The following SLC30A9 variants were observed in gnomAD, a reference collection of about 807,000 sequenced individuals.
SLC30A9 encodes solute carrier family 30 member 9.
Under a neutral mutation model 87.5 loss-of-function variants are expected in SLC30A9, and 58 were observed. The observed-to-expected ratio is 0.66, with a 90% CI of 0.54 to 0.82. The LOEUF is 0.82. Among genes scored for constraint, SLC30A9 ranks in the 40% least tolerant of loss-of-function variants. The pLI is 0.00. For synonymous variants in SLC30A9, 234 were observed against 233.0 expected, an observed-to-expected ratio of 1.00 and a Z score of -0.04; for missense variants, 557 against 679.1, an observed-to-expected ratio of 0.82 and a Z score of 2.00.
intron 2 of SLC30A9, among the ~76,000 whole-genome samples, chr4:42,014,845 A>G (rs1007987911): frequency 5.3e-5 from 8 of 152,188 alleles, no homozygotes; most frequent in Non-Finnish European, 1.2e-4. Flanking sequence ...TATGGAGCTA[A>G]AATTAAAACA....
rs777414458 is a variant in SLC30A9, at chr4:42,066,555, C to G, written c.1078C>G (p.Leu360Val). The G allele has an allele frequency of 6.3e-7, 1 of 1,599,906 alleles. No homozygotes were observed. Among genetic ancestry groups the G allele is most frequent in the Admixed American group, 1.7e-5 (1 of 59,222 alleles). ...TATGAATGCTTTTCTTTTAGCAACA[C>G]TTCTTGTTGCTGTAAATGAACTTCG... ...AGSLVSEGAT[L>V]LVAVNELRRN... Residue 360 changes from leucine (L) to valine (V), a missense_variant, in exon 13 of 18, where the codon CTT (leucine) becomes GTT (valine). Transcript: ENST00000264451.
chr4:42,041,013 G>A (rs1311906896), intron 8 of SLC30A9, among the ~76,000 whole-genome samples: 1 of 152,156 alleles, frequency 6.6e-6, no homozygotes, highest in African/African-American at 2.4e-5. Context: ...AATCATGGTG[G>A]AAGGCAAGGA....
At chr4:42,016,815 A>G (rs992971063) in intron 2 of SLC30A9, among the ~76,000 whole-genome samples, 5 of 152,080 alleles carry the variant, frequency 3.3e-5, no homozygotes, top group South Asian at 2.1e-4. Flanking sequence ...CTATCTATCT[A>G]TCTATCTATC....
chr4:42,043,406 G>GA (rs1717003403), intron 8 of SLC30A9, among the ~76,000 whole-genome samples: 1 of 152,046 alleles, frequency 6.6e-6, no homozygotes, highest in Admixed American at 6.6e-5. Flanking sequence ...AACACAGCAT[G>GA]AGAACTTTGT....
At chr4:42,018,074 G>A in intron 2 of SLC30A9, 37 bp from the exon 3 acceptor site, 1 of 1,121,924 alleles carries the variant, frequency 8.9e-7, no homozygotes, top group South Asian at 1.3e-5. Context: ...TATGAAAGCA[G>A]TTGTTTAATG....
chr4:42,054,280 C>A (rs1036262496), intron 9 of SLC30A9, among the ~76,000 whole-genome samples: 7 of 152,070 alleles, frequency 4.6e-5, no homozygotes, highest in Non-Finnish European at 1.0e-4. Context: ...ATCACTTGAA[C>A]CCGGGAGGCA....
chr4:42,033,921 C>T (rs893570295), intron 6 of SLC30A9, among the ~76,000 whole-genome samples: 1 of 152,096 alleles, frequency 6.6e-6, no homozygotes, highest in Non-Finnish European at 1.5e-5. Flanking sequence ...TATGCTATAG[C>T]GGTAAATAGA....
chr4:42,058,380 A>G lies in SLC30A9; in HGVS notation c.841-1811A>G, dbSNP rs531681719. Among the ~76,000 whole-genome samples the G allele has an allele frequency of 1.4e-4, 22 of 152,300 alleles. No individual in the cohort carries two copies. In the South Asian group the frequency reaches 3.9e-3, roughly 27 times the overall value. On this transcript the variant is annotated intron_variant, in intron 9 of 17. Transcript: ENST00000264451. Reference sequence around the variant, plus strand: ...CGTATTGCTGTCAGCATTTTGGGCAAAGCCATTCAACAAGTCTCTAGGAAA... The same window carrying G: ...CGTATTGCTGTCAGCATTTTGGGCAGAGCCATTCAACAAGTCTCTAGGAAA...
At chr4:42,008,442 AG>A (rs1485913990) in intron 2 of SLC30A9, among the ~76,000 whole-genome samples, 1 of 152,210 alleles carries the variant, frequency 6.6e-6, no homozygotes, top group Non-Finnish European at 1.5e-5. Flanking sequence ...TGCTGATAGT[AG>A]GGACATAATA....
In SLC30A9 at chr4:42,067,115, T is replaced by C; in HGVS notation, c.1175T>C (p.Val392Ala). ...VMESRDPSTNVILLEDTAAVL... is the reference protein window; with the variant it reads ...VMESRDPSTNAILLEDTAAVL... The stretch of plus-strand genomic sequence containing the variant: ...GAAAGTCGTGATCCTAGTACAAATG[T>C]GATATTATTGGAGGATACTGCTGCA... The change falls in exon 14 of 18, where the codon GTG becomes GCG. Residue 392 changes from valine (V) to alanine (A), a missense_variant. By Grantham distance (64) the Val-to-Ala change is moderately conservative. Coordinates refer to ENST00000264451, the MANE Select transcript of SLC30A9 (RefSeq NM_006345.4). The C allele has an allele frequency of 1.2e-6, 2 of 1,612,370 alleles. No homozygotes were observed. Among genetic ancestry groups the C allele is most frequent in the East Asian group, 2.2e-5 (1 of 44,726 alleles).
intron 6 of SLC30A9, among the ~76,000 whole-genome samples, chr4:42,031,280 A>G (rs1716423495): frequency 6.6e-6 from 1 of 151,926 alleles, no homozygotes; most frequent in Non-Finnish European, 1.5e-5. Context: ...AAAAAAAAAC[A>G]GAAGACATCT....
Position 42,060,260 on chromosome 4 carries a change from C to T in SLC30A9, c.896+14C>T, listed in dbSNP as rs749957641. The T allele has an allele frequency of 1.2e-6, 2 of 1,603,428 alleles. No individual in the cohort carries two copies. Among genetic ancestry groups the T allele is most frequent in the Admixed American group, 3.3e-5 (2 of 59,930 alleles). ...TCCTTCTCATCCGTAAGGACATTGC[C>T]TTATTTTGTTTTTGTTTGTTTTGGC... On this transcript the variant is annotated intron_variant, in intron 10 of 17. Transcript: ENST00000264451.
intron 15 of SLC30A9, among the ~76,000 whole-genome samples, chr4:42,075,367 C>G (rs1718509427): frequency 6.6e-6 from 1 of 151,720 alleles, no homozygotes. Flanking sequence ...AGCCACTGCG[C>G]CCAGCAGAGT....
rs1336408413 is a variant in SLC30A9 at position 42,090,199 on chromosome 4, GA to G, written c.*4074del. On this transcript the variant is annotated 3_prime_UTR_variant, in exon 18 of 18. Coordinates refer to ENST00000264451, the MANE Select transcript of SLC30A9 (RefSeq NM_006345.4). ...AGCAAAGAATCGAAGGTAAAATGTTGATTCAAAGATTGTCTCCCCTAAATCC... is the reference window on the plus strand; with the variant it reads ...AGCAAAGAATCGAAGGTAAAATGTTGTTCAAAGATTGTCTCCCCTAAATCC... The G allele has an allele frequency of 3.9e-5, 6 of 152,302 alleles. No homozygotes were observed. The highest frequency in any genetic ancestry group is 1.4e-4 in the African/African-American group (6 of 41,572). The allele number at this position is 152,302 out of a possible 1,614,324, so 9.4% of individuals were successfully genotyped here.
At chr4:42,019,882 C>T (rs1234716503) in intron 3 of SLC30A9, among the ~76,000 whole-genome samples, 1 of 152,052 alleles carries the variant, frequency 6.6e-6, no homozygotes, top group Non-Finnish European at 1.5e-5. Context: ...CAACCTCTGC[C>T]TCCCAAGTTC....
chr4:42,073,402 TG>T (rs1718395153), intron 15 of SLC30A9, among the ~76,000 whole-genome samples: 1 of 152,212 alleles, frequency 6.6e-6, no homozygotes, highest in African/African-American at 2.4e-5. Context: ...ATTCAATTAT[TG>T]GAAAAAATAC....
At chr4:42,050,382 A>G (rs1717336726) in intron 9 of SLC30A9, among the ~76,000 whole-genome samples, 1 of 152,208 alleles carries the variant, frequency 6.6e-6, no homozygotes, top group Non-Finnish European at 1.5e-5. Flanking sequence ...GGGGATAGGG[A>G]GAGATATATA....
chr4:42,043,355 C>T (rs932092073), intron 8 of SLC30A9, among the ~76,000 whole-genome samples: 2 of 151,988 alleles, frequency 1.3e-5, no homozygotes, highest in African/African-American at 2.4e-5. Flanking sequence ...ACTAGAATAA[C>T]CAGTTTAGAG....
chr4:42,007,928 A>T (rs1019236961), intron 2 of SLC30A9, among the ~76,000 whole-genome samples: 1 of 152,144 alleles, frequency 6.6e-6, no homozygotes, highest in Non-Finnish European at 1.5e-5. Context: ...AAAACAGATC[A>T]TGTCACTTTT....
Sources: allele counts gnomAD v4.1 joint callset (sites outside exome capture counted in the v4.1 genomes callset), GRCh38; gene constraint gnomAD v4.1.1; transcripts MANE v1.5; gene names NCBI Gene and HGNC (gene_info 2026-07-23, HGNC 2026-07-21).